Variants in ARHGAP28 observed in about 807,000 individuals in gnomAD.
ARHGAP28 encodes rho GTPase-activating protein 28.
A neutral mutation model predicts 90.7 loss-of-function variants in ARHGAP28; 56 were observed. The observed-to-expected ratio is 0.62, with a 90% CI of 0.50 to 0.77. The LOEUF (loss-of-function observed/expected upper bound fraction) is 0.77. Ranked by LOEUF, ARHGAP28 falls within the 30% of genes least tolerant of loss-of-function variation. The pLI, the probability that ARHGAP28 is intolerant of heterozygous loss-of-function variation, is 0.00. For synonymous variants in ARHGAP28, 308 were observed against 323.3 expected (o/e 0.95, Z 0.51); for missense variants, 869 against 900.9 (o/e 0.96, Z 0.45).
In ARHGAP28 at chr18:6,739,694, T is replaced by C. The variant is rs542750895; in HGVS notation, c.122+9751T>C. ...CTCTTTCTTTCAGAAGGAGGGCAGG[T>C]TTTAATCCTTTAATCTTTAGGTTTA... On this transcript the variant is annotated intron_variant, in intron 1 of 17. Coordinates refer to ENST00000383472, the MANE Select transcript of ARHGAP28 (RefSeq NM_001366230.1). Among the ~76,000 whole-genome samples, 8 of 150,856 alleles carry C rather than the reference T, an allele frequency of 5.3e-5. No individual in the cohort carries two copies. The East Asian group carries it at 1.6e-3, about 29-fold the overall frequency.
chr18:6,902,286 C>T (rs907816942), intron 16 of ARHGAP28, among the ~76,000 whole-genome samples: 1 of 152,052 alleles, frequency 6.6e-6, no homozygotes, highest in Non-Finnish European at 1.5e-5. Flanking sequence ...TTAATTGTAA[C>T]AAATGTACTA....
intron 2 of ARHGAP28, among the ~76,000 whole-genome samples, chr18:6,835,442 A>C (rs978704100): frequency 1.3e-5 from 2 of 152,216 alleles, no homozygotes; most frequent in Non-Finnish European, 2.9e-5. Context: ...TTACAAAGCA[A>C]ATGAACAATT....
intron 4 of ARHGAP28, among the ~76,000 whole-genome samples, chr18:6,859,324 ACTT>A (rs780280326): frequency 2.6e-5 from 4 of 151,952 alleles, no homozygotes; most frequent in Admixed American, 1.3e-4. Flanking sequence ...TCTGTCCCTG[ACTT>A]CTTCTTGGTG....
At chr18:6,776,442 G>C (rs1600172999) in intron 1 of ARHGAP28, among the ~76,000 whole-genome samples, 1 of 152,206 alleles carries the variant, frequency 6.6e-6, no homozygotes, top group East Asian at 1.9e-4. Context: ...TGCAGCAGCT[G>C]GCCACCGGCT....
At chr18:6,890,585 AT>A (rs767878237) in intron 14 of ARHGAP28, 42 bp downstream of exon 14, 1 of 1,305,014 alleles carries the variant, frequency 7.7e-7, no homozygotes, top group Non-Finnish European at 1.1e-6. Context: ...CACTGCCTAG[AT>A]TTGTACTCCT....
intron 1 of ARHGAP28, among the ~76,000 whole-genome samples, chr18:6,779,823 G>T (rs542571633): frequency 6.6e-6 from 1 of 152,158 alleles, no homozygotes; most frequent in Non-Finnish European, 1.5e-5. Context: ...ACTGACCTAC[G>T]TGCATCTTTC....
chr18:6,779,246 C>T (rs1024087240), intron 1 of ARHGAP28, among the ~76,000 whole-genome samples: 3 of 152,140 alleles, frequency 2.0e-5, no homozygotes, highest in African/African-American at 7.2e-5. Flanking sequence ...AATCCTGCAT[C>T]ATGTTATCTG....
At chr18:6,747,086 T>G (rs1434150042) in intron 1 of ARHGAP28, among the ~76,000 whole-genome samples, 7 of 151,390 alleles carry the variant, frequency 4.6e-5, no homozygotes, top group African/African-American at 1.7e-4. Context: ...TTTTTTTTTT[T>G]TAGCAAACAT....
At chr18:6,887,637 G>A (rs571433036) in intron 12 of ARHGAP28, among the ~76,000 whole-genome samples, 1 of 152,126 alleles carries the variant, frequency 6.6e-6, no homozygotes, top group African/African-American at 2.4e-5. Flanking sequence ...TGCTCAGGCT[G>A]GTCTCCAACT....
intron 11 of ARHGAP28, among the ~76,000 whole-genome samples, chr18:6,883,518 G>A (rs1287177608): frequency 1.3e-5 from 2 of 152,130 alleles, no homozygotes; most frequent in Non-Finnish European, 2.9e-5. Context: ...GATTACAGGC[G>A]TGAGCCACCA....
At chr18:6,887,410 A>C (rs1233463220) in intron 12 of ARHGAP28, among the ~76,000 whole-genome samples, 171 bp downstream of exon 12, 1 of 147,582 alleles carries the variant, frequency 6.8e-6, no homozygotes, top group Non-Finnish European at 1.5e-5. Flanking sequence ...GACAAGAAAG[A>C]GTGGAGATCT....
chr18:6,870,383 A>G (rs2057074063), intron 6 of ARHGAP28, among the ~76,000 whole-genome samples: 1 of 152,238 alleles, frequency 6.6e-6, no homozygotes, highest in Non-Finnish European at 1.5e-5. Flanking sequence ...GGCAATGATG[A>G]TAAAAATGTG....
At chr18:6,872,549 A>G (rs2057098247) in intron 7 of ARHGAP28, among the ~76,000 whole-genome samples, 1 of 152,204 alleles carries the variant, frequency 6.6e-6, no homozygotes, top group East Asian at 1.9e-4. Flanking sequence ...TTAAGTGTTT[A>G]TAATTTAATC....
chr18:6,729,889 C>T lies in ARHGAP28; in HGVS notation c.68C>T (p.Pro23Leu). The T allele has an allele frequency of 7.0e-7, 1 of 1,428,360 alleles. No individual in the cohort carries two copies. The highest frequency in any genetic ancestry group is 2.7e-5 in the Admixed American group (1 of 37,074). 88.5% of individuals were successfully genotyped at this position (1,428,360 alleles called of 1,614,324 possible). ...CACTCGTACGCGCGCGCCCAGCCCCCCAACGCCGAGTCGCGCTGCGCGCCC... is the reference window on the plus strand; with the variant it reads ...CACTCGTACGCGCGCGCCCAGCCCCTCAACGCCGAGTCGCGCTGCGCGCCC... ...AYHSYARAQP[P>L]NAESRCAPRA... Residue 23 changes from proline to leucine, a missense_variant, in exon 1 of 18, where the codon CCC (proline) becomes CTC (leucine). By Grantham distance (98) the Pro-to-Leu change is moderately conservative (BLOSUM62 -3). Transcript: ENST00000383472.
At chr18:6,841,185 C>CTCTCCTCTT (rs2056816207) in intron 3 of ARHGAP28, among the ~76,000 whole-genome samples, 1 of 56,476 alleles carries the variant, frequency 1.8e-5, no homozygotes, top group African/African-American at 1.0e-4. Context: ...TCTCTCCTCT[C>CTCTCCTCTT]TCTCTCTCTC....
intron 1 of ARHGAP28, among the ~76,000 whole-genome samples, chr18:6,803,013 T>TA (rs2143637562): frequency 6.6e-6 from 1 of 152,246 alleles, no homozygotes; most frequent in East Asian, 1.9e-4. Flanking sequence ...TTTCTAAATA[T>TA]AAATTTTTTA....
At chr18:6,834,600 T>C (rs77419088) in intron 2 of ARHGAP28, 1 of 152,182 alleles carries the variant, frequency 6.6e-6, no homozygotes, top group Non-Finnish European at 1.5e-5. Flanking sequence ...CATTTAGTTA[T>C]AATATGGATA....
chr18:6,730,046 A>C, intron 1 of ARHGAP28, 103 bp downstream of exon 1: 1 of 1,170,222 alleles, frequency 8.5e-7, no homozygotes, highest in East Asian at 3.3e-5. Flanking sequence ...CCGTCACTGG[A>C]TGTTGTTTCA....
rs1435946745 is a variant in ARHGAP28 at position 6,904,852 on chromosome 18, A to G, written c.2031-4108A>G. On this transcript the variant is annotated intron_variant, in intron 16 of 17. Coordinates refer to ENST00000383472, the MANE Select transcript of ARHGAP28 (RefSeq NM_001366230.1). ...ATGGACCAATTCCTCAAAAGCCACT[A>G]ATTACCAAAATACAACCAAAATGAA... is the stretch of plus-strand genomic sequence containing the variant. Among the ~76,000 whole-genome samples, 4 of 152,282 alleles carry G rather than the reference A, an allele frequency of 2.6e-5. No individual in the cohort carries two copies. In the East Asian group the frequency reaches 7.7e-4, roughly 29 times the overall value.
Sources: allele counts gnomAD v4.1 joint callset (sites outside exome capture counted in the v4.1 genomes callset), GRCh38; gene constraint gnomAD v4.1.1; transcripts MANE v1.5; gene names NCBI Gene and HGNC (gene_info 2026-07-23, HGNC 2026-07-21).